Variants in FAM13C observed in about 807,000 individuals in gnomAD.
FAM13C encodes the protein family with sequence similarity 13 member C.
A neutral mutation model predicts 73.2 loss-of-function variants in FAM13C; 37 were observed. The ratio of observed to expected loss-of-function variants is 0.51; its 90% CI spans 0.39 to 0.67. The LOEUF (loss-of-function observed/expected upper bound fraction) is 0.67, where lower values mean the gene tolerates loss of function less well. Ranked by LOEUF, FAM13C falls within the 30% of genes least tolerant of loss-of-function variation. The pLI is 0.00. For synonymous variants in FAM13C, 246 were observed against 260.9 expected, an observed-to-expected ratio of 0.94 and a Z score of 0.55; for missense variants, 589 against 715.6, an observed-to-expected ratio of 0.82 and a Z score of 2.02.
intron 3 of FAM13C, among the ~76,000 whole-genome samples, chr10:59,333,708 C>G (rs1212807171): frequency 6.6e-6 from 1 of 150,854 alleles, no homozygotes; most frequent in Non-Finnish European, 1.5e-5. Flanking sequence ...CTCAAGCTCC[C>G]TTGTTTGTTT....
intron 2 of FAM13C, 58 bp from the exon 3 acceptor site, chr10:59,352,532 G>T (rs1662281513): frequency 4.1e-6 from 6 of 1,475,778 alleles, no homozygotes; most frequent in Non-Finnish European, 5.4e-6. Flanking sequence ...ATAAACTGCT[G>T]CAGGAAAGAG....
intron 4 of FAM13C, among the ~76,000 whole-genome samples, chr10:59,318,450 C>T (rs1200889280): frequency 6.6e-6 from 1 of 151,992 alleles, no homozygotes; most frequent in Non-Finnish European, 1.5e-5. Flanking sequence ...CTTCCCATGT[C>T]TAATGTTTTA....
intron 3 of FAM13C, among the ~76,000 whole-genome samples, chr10:59,351,765 G>A (rs566550986): frequency 6.6e-6 from 1 of 152,270 alleles, no homozygotes; most frequent in East Asian, 1.9e-4. Context: ...AGGCCGAGGC[G>A]GGTGGATCAC....
intron 6 of FAM13C, among the ~76,000 whole-genome samples, chr10:59,273,559 T>C (rs1843966472): frequency 6.6e-6 from 1 of 152,166 alleles, no homozygotes; most frequent in Non-Finnish European, 1.5e-5. Flanking sequence ...ATTTTTTGCA[T>C]GTATTTAATC....
intron 1 of FAM13C, among the ~76,000 whole-genome samples, chr10:59,356,246 T>C (rs774343091): frequency 7.2e-5 from 11 of 152,158 alleles, no homozygotes; most frequent in Admixed American, 1.3e-4. Flanking sequence ...TGGACACCAA[T>C]ACTGGTATCC....
At chr10:59,310,510 C>G (rs1848795732) in intron 4 of FAM13C, among the ~76,000 whole-genome samples, 1 of 152,038 alleles carries the variant, frequency 6.6e-6, no homozygotes, top group African/African-American at 2.4e-5. Context: ...CTTATTGGTT[C>G]TTACCAAATG....
rs545049764 is a variant in FAM13C at position 59,333,631 on chromosome 10, T to A, written c.325-9525A>T. The stretch of plus-strand genomic sequence containing the variant: ...TGTTGATACGGAATCTCTACCATGT[T>A]ATTTTCTGAAATTATTAAAGTATGT... On this transcript the variant is annotated intron_variant, in intron 3 of 13. Transcript: ENST00000618804. Among the ~76,000 whole-genome samples the A allele has an allele frequency of 5.9e-5, 9 of 152,380 alleles. No homozygotes were observed. In the South Asian group the frequency reaches 1.4e-3, roughly 25 times the overall value.
chr10:59,308,795 C>A (rs1266557116), intron 4 of FAM13C, among the ~76,000 whole-genome samples: 1 of 152,210 alleles, frequency 6.6e-6, no homozygotes, highest in Non-Finnish European at 1.5e-5. Context: ...TGAAATACAA[C>A]TTTTCTAAAA....
At chr10:59,309,896 C>G (rs984799761) in intron 4 of FAM13C, among the ~76,000 whole-genome samples, 1 of 152,120 alleles carries the variant, frequency 6.6e-6, no homozygotes, top group African/African-American at 2.4e-5. Context: ...GCTGCCAATT[C>G]TTATATATTT....
chr10:59,337,822 G>A lies in FAM13C; in HGVS notation c.325-13716C>T, dbSNP rs1852944704. Among the ~76,000 whole-genome samples, 3 of 151,860 alleles carry A rather than the reference G, an allele frequency of 2.0e-5. No homozygotes were observed. The Middle Eastern group carries it at 0.01, about 524-fold the overall frequency. The stretch of plus-strand genomic sequence containing the variant: ...GGCCTCCCGAGTAGCTGGGATTACA[G>A]GCACCTGCCACCATGCCTGTCTAAT... On this transcript the variant is annotated intron_variant, in intron 3 of 13. Coordinates refer to ENST00000618804, the MANE Select transcript of FAM13C (RefSeq NM_198215.4).
chr10:59,305,030 C>G (rs1470978608), intron 4 of FAM13C, among the ~76,000 whole-genome samples: 1 of 152,146 alleles, frequency 6.6e-6, no homozygotes, highest in African/African-American at 2.4e-5. Flanking sequence ...TGCAGCCACC[C>G]AATCTTAGCC....
At chr10:59,340,788 T>C (rs1589682822) in intron 3 of FAM13C, among the ~76,000 whole-genome samples, 1 of 151,862 alleles carries the variant, frequency 6.6e-6, no homozygotes, top group Non-Finnish European at 1.5e-5. Context: ...TTATATTAGA[T>C]TGGTGCAAAA....
rs541994046 is a variant in FAM13C at position 59,343,949 on chromosome 10, C to CTT, written c.324+8319_324+8320dup. Among the ~76,000 whole-genome samples, 61 of 145,228 alleles carry CTT rather than the reference C, an allele frequency of 4.2e-4. 1 individual carries two copies. The highest frequency in any genetic ancestry group is 1.2e-3 in the African/African-American group (46 of 39,480). ...CTATAAAATACTCTATAAACTATTT[C>CTT]TTTTTTTTTTTCTTTTTTCTTTTTT... On this transcript the variant is annotated intron_variant, in intron 3 of 13. Coordinates refer to ENST00000618804, the MANE Select transcript of FAM13C (RefSeq NM_198215.4).
intron 3 of FAM13C, among the ~76,000 whole-genome samples, chr10:59,344,963 T>A (rs2134207439): frequency 6.6e-6 from 1 of 152,296 alleles, no homozygotes; most frequent in East Asian, 1.9e-4. Flanking sequence ...TGTCGGTAGA[T>A]CTTGACTGGC....
At chr10:59,345,394 G>A (rs2134210366) in intron 3 of FAM13C, among the ~76,000 whole-genome samples, 1 of 152,254 alleles carries the variant, frequency 6.6e-6, no homozygotes, top group Admixed American at 6.5e-5. Flanking sequence ...CTGAGTACTA[G>A]GATTTTCCAT....
intron 6 of FAM13C, among the ~76,000 whole-genome samples, chr10:59,271,190 G>A (rs749698384): frequency 4.6e-5 from 7 of 152,176 alleles, no homozygotes; most frequent in African/African-American, 9.7e-5. Context: ...CTTCTCCAAC[G>A]AAAGGGGAAA....
chr10:59,352,533 C>T (rs761820758), intron 2 of FAM13C, 59 bp from the exon 3 acceptor site: 20 of 1,477,872 alleles, frequency 1.4e-5, no homozygotes, highest in Non-Finnish European at 1.8e-5. Context: ...TAAACTGCTG[C>T]AGGAAAGAGG....
At chr10:59,309,477 C>A (rs1355014813) in intron 4 of FAM13C, among the ~76,000 whole-genome samples, 1 of 152,200 alleles carries the variant, frequency 6.6e-6, no homozygotes, top group East Asian at 1.9e-4. Flanking sequence ...ATCATTCTCC[C>A]TCTCTGAACT....
intron 5 of FAM13C, among the ~76,000 whole-genome samples, chr10:59,292,278 C>G (rs76108917): frequency 0.12 from 17,672 of 152,278 alleles, 1,077 homozygotes; most frequent in South Asian, 0.19. Flanking sequence ...GTCATTTTTC[C>G]CAGAACATTA....
Sources: gnomAD v4.1 joint callset for allele counts (sites outside exome capture counted in the v4.1 genomes callset) on GRCh38, gnomAD v4.1.1 for gene constraint, MANE v1.5 for transcripts, NCBI Gene and HGNC (gene_info 2026-07-23, HGNC 2026-07-21) for gene names.